The following SLC25A21 variants were observed in gnomAD, a reference collection of about 807,000 sequenced individuals.
SLC25A21 encodes the protein solute carrier family 25 member 21.
SLC25A21 carries 47 observed loss-of-function variants against 43.8 expected under a neutral mutation model. The ratio of observed to expected loss-of-function variants is 1.07; its 90% CI spans 0.85 to 1.37. The LOEUF (loss-of-function observed/expected upper bound fraction) is 1.37, where lower values mean the gene tolerates loss of function less well. Ranked by LOEUF, SLC25A21 falls within the 40% of genes most tolerant of loss-of-function variation. The pLI is 0.00. For missense variants in SLC25A21, 352 were observed against 350.2 expected (o/e 1.00, Z -0.04); for synonymous variants, 131 against 121.3 (o/e 1.08, Z -0.52).
chr14:37,169,632 C>G (rs114776798), intron 1 of SLC25A21, among the ~76,000 whole-genome samples: 1 of 146,788 alleles, frequency 6.8e-6, no homozygotes, highest in Admixed American at 6.8e-5. Flanking sequence ...ATGGACAATA[C>G]CAGTGATTAG....
At chr14:36,912,350 G>A (rs560833582) in intron 1 of SLC25A21, among the ~76,000 whole-genome samples, 9 of 152,240 alleles carry the variant, frequency 5.9e-5, no homozygotes, top group African/African-American at 1.4e-4. Context: ...GAGGTCATGC[G>A]GCAGAGCAGG....
At chr14:37,057,334 T>A (rs1321438227) in intron 1 of SLC25A21, among the ~76,000 whole-genome samples, 1 of 152,230 alleles carries the variant, frequency 6.6e-6, no homozygotes, top group Non-Finnish European at 1.5e-5. Context: ...CCTTGTCATT[T>A]ATATAGTATA....
intron 1 of SLC25A21, among the ~76,000 whole-genome samples, chr14:36,973,640 C>T (rs1353070040): frequency 6.6e-6 from 1 of 152,206 alleles, no homozygotes; most frequent in Non-Finnish European, 1.5e-5. Flanking sequence ...AAACACCTTA[C>T]AGATTTAGAA....
chr14:36,678,183 G>A lies in SLC25A21; in HGVS notation c.*2475C>T, dbSNP rs1881995660. ...CATGGCAATGCGGTTCCACCACATC[G>A]GTTTCGTGGCTTCGTTTAAAACTCA... is the stretch of plus-strand genomic sequence containing the variant. On this transcript the variant is annotated 3_prime_UTR_variant, in exon 10 of 10. Transcript: ENST00000331299. 1 of 439,310 alleles carries A rather than the reference G, an allele frequency of 2.3e-6. No individual in the cohort carries two copies. The highest frequency in any genetic ancestry group is 3.5e-5 in the Admixed American group (1 of 28,710). 27.2% of individuals were successfully genotyped at this position (439,310 alleles called of 1,614,324 possible).
chr14:36,926,580 G>A (rs1205955187), intron 1 of SLC25A21, among the ~76,000 whole-genome samples: 1 of 152,096 alleles, frequency 6.6e-6, no homozygotes, highest in Non-Finnish European at 1.5e-5. Flanking sequence ...GTAAAAGAAA[G>A]CAGAGAGGAC....
chr14:36,847,163 C>T (rs1889572136), intron 2 of SLC25A21, among the ~76,000 whole-genome samples: 1 of 152,168 alleles, frequency 6.6e-6, no homozygotes, highest in Non-Finnish European at 1.5e-5. Flanking sequence ...AATTCTGAAA[C>T]ATATCTGTCC....
At chr14:36,742,623 G>C (rs1885319289) in intron 3 of SLC25A21, among the ~76,000 whole-genome samples, 1 of 152,132 alleles carries the variant, frequency 6.6e-6, no homozygotes, top group South Asian at 2.1e-4. Context: ...CTTTTAGAGG[G>C]AGGAAAAACA....
rs182343694 is a variant in SLC25A21, at chr14:36,986,020, C to T, written c.71-111016G>A. ...TACAAAGCTTATATTATCTCTGCCC[C>T]AACTCTGAAATCATCCATTTCTCCA... On this transcript the variant is annotated intron_variant, in intron 1 of 9. Transcript: ENST00000331299. Among the ~76,000 whole-genome samples, 7 of 152,174 alleles carry T rather than the reference C, an allele frequency of 4.6e-5. No homozygotes were observed. In the East Asian group the frequency reaches 1.4e-3, roughly 29 times the overall value.
chr14:36,941,434 T>A (rs1892554578), intron 1 of SLC25A21, among the ~76,000 whole-genome samples: 1 of 152,044 alleles, frequency 6.6e-6, no homozygotes, highest in Admixed American at 6.6e-5. Context: ...ATTTACATTA[T>A]CAAGAAAACT....
chr14:36,710,967 G>A (rs1232718186), intron 7 of SLC25A21, among the ~76,000 whole-genome samples: 2 of 152,074 alleles, frequency 1.3e-5, no homozygotes, highest in Non-Finnish European at 2.9e-5. Flanking sequence ...ATGCTCCTGA[G>A]ATAAAAATTA....
At chr14:36,940,944 C>T (rs1892540826) in intron 1 of SLC25A21, among the ~76,000 whole-genome samples, 1 of 152,060 alleles carries the variant, frequency 6.6e-6, no homozygotes, top group Admixed American at 6.6e-5. Flanking sequence ...ACTTAAAAAC[C>T]TGTTTCAGAT....
chr14:36,953,222 A>C (rs1470322042), intron 1 of SLC25A21, among the ~76,000 whole-genome samples: 1 of 152,226 alleles, frequency 6.6e-6, no homozygotes, highest in Admixed American at 6.5e-5. Flanking sequence ...TTTGAATTTC[A>C]TATAAATATA....
At chr14:37,094,693 G>C (rs894344566) in intron 1 of SLC25A21, among the ~76,000 whole-genome samples, 1 of 150,698 alleles carries the variant, frequency 6.6e-6, no homozygotes, top group African/African-American at 2.4e-5. Context: ...TAGATGACTA[G>C]TCCATTTTAC....
chr14:36,847,905 G>A (rs1344401231), intron 2 of SLC25A21, among the ~76,000 whole-genome samples: 1 of 141,222 alleles, frequency 7.1e-6, no homozygotes, highest in Non-Finnish European at 1.6e-5. Flanking sequence ...AGTAACTCTG[G>A]AAGCGGTATG....
At chr14:37,133,290 A>G (rs575555511) in intron 1 of SLC25A21, among the ~76,000 whole-genome samples, 121 of 152,194 alleles carry the variant, frequency 8.0e-4, no homozygotes, top group Non-Finnish European at 1.2e-3. Flanking sequence ...AACCTCAGAC[A>G]CATAAATCAT....
At chr14:37,094,977 CA>C (rs904590355) in intron 1 of SLC25A21, among the ~76,000 whole-genome samples, 41 of 151,864 alleles carry the variant, frequency 2.7e-4, no homozygotes, top group African/African-American at 9.4e-4. Context: ...ACCACACACA[CA>C]AAAAAAAAGT....
At position 36,799,473 on chromosome 14, in the gene SLC25A21, C is replaced by T. The variant is rs140404707; in HGVS notation, c.203+14445G>A. Among the ~76,000 whole-genome samples the T allele has an allele frequency of 4.4e-3, 674 of 152,134 alleles. 3 individuals carry two copies. Among genetic ancestry groups the T allele is most frequent in the African/African-American group, 0.015 (632 of 41,520 alleles). ...TGCCAAAATATATCAAGTAGTGCCC[C>T]GGCATCCTGAAGAAACATTTGAAAA... On this transcript the variant is annotated intron_variant, in intron 3 of 9. Transcript: ENST00000331299.
At chr14:36,981,154 G>T (rs1960011183) in intron 1 of SLC25A21, among the ~76,000 whole-genome samples, 1 of 152,154 alleles carries the variant, frequency 6.6e-6, no homozygotes, top group South Asian at 2.1e-4. Flanking sequence ...TCTCACACCA[G>T]TTAGAATGGT....
intron 6 of SLC25A21, among the ~76,000 whole-genome samples, chr14:36,724,068 A>G (rs1454541241): frequency 6.6e-6 from 1 of 152,180 alleles, no homozygotes; most frequent in African/African-American, 2.4e-5. Context: ...CATTTGAAAA[A>G]TGTTTCTTTT....
Sources: gnomAD v4.1 joint callset for allele counts (sites outside exome capture counted in the v4.1 genomes callset) on GRCh38, gnomAD v4.1.1 for gene constraint, MANE v1.5 for transcripts, NCBI Gene and HGNC (gene_info 2026-07-23, HGNC 2026-07-21) for gene names.